CSMD3: variants seen among roughly 807,000 people sequenced by gnomAD.
The protein encoded by CSMD3 is CUB and sushi domain-containing protein 3.
Under a neutral mutation model 435.2 loss-of-function variants are expected in CSMD3, and 177 were observed. The ratio of observed to expected loss-of-function variants is 0.41; its 90% CI spans 0.36 to 0.46. The LOEUF is 0.46. CSMD3 is among the 20% of genes least tolerant of loss of function. The probability of loss-of-function intolerance (pLI) is 0.34; values close to 1 mark genes in which losing one functional copy is unlikely to be tolerated. For synonymous variants in CSMD3, 1,656 were observed against 1,520.5 expected (o/e 1.09, Z -2.07); for missense variants, 4,265 against 4,504.6 (o/e 0.95, Z 1.52).
intron 1 of CSMD3, among the ~76,000 whole-genome samples, chr8:113,328,735 C>CTTT (rs71281211): frequency 0.01 from 576 of 57,168 alleles, 79 homozygotes; most frequent in African/African-American, 0.027. Flanking sequence ...TCCTTCTTTT[C>CTTT]TTTTTTTTTT....
intron 27 of CSMD3, among the ~76,000 whole-genome samples, chr8:112,543,150 A>T (rs1826839466): frequency 6.6e-6 from 1 of 152,192 alleles, no homozygotes; most frequent in African/African-American, 2.4e-5. Flanking sequence ...AAACTTCCAG[A>T]AGGAAATAAA....
chr8:112,939,375 C>T (rs750596333), intron 9 of CSMD3, among the ~76,000 whole-genome samples: 4 of 151,966 alleles, frequency 2.6e-5, no homozygotes, highest in Non-Finnish European at 4.4e-5. Flanking sequence ...ATTTATTAGC[C>T]CCTCTTTGTT....
At chr8:112,226,005 TTAAAA>T (rs1812517013) in intron 70 of CSMD3, among the ~76,000 whole-genome samples, 1 of 152,332 alleles carries the variant, frequency 6.6e-6, no homozygotes, top group South Asian at 2.1e-4. Flanking sequence ...GGGATATATC[TTAAAA>T]TAAATTTGTT....
chr8:113,222,538 A>G (rs2092980355), intron 3 of CSMD3, among the ~76,000 whole-genome samples: 1 of 151,112 alleles, frequency 6.6e-6, no homozygotes, highest in Admixed American at 6.6e-5. Flanking sequence ...GTATGAGTCC[A>G]AAGAATTTTA....
intron 2 of CSMD3, among the ~76,000 whole-genome samples, chr8:113,299,985 C>T (rs931397436): frequency 6.8e-6 from 1 of 145,994 alleles, no homozygotes; most frequent in Non-Finnish European, 1.5e-5. Context: ...GAGCAAGCCT[C>T]CATCTCAAAA....
At chr8:112,845,623 T>A (rs2080296884) in intron 11 of CSMD3, among the ~76,000 whole-genome samples, 1 of 152,056 alleles carries the variant, frequency 6.6e-6, no homozygotes, top group Non-Finnish European at 1.5e-5. Context: ...CAGAACCATT[T>A]AAATATTTTA....
intron 25 of CSMD3, 111 bp downstream of exon 25, chr8:112,556,652 C>A: frequency 1.3e-6 from 1 of 781,312 alleles, no homozygotes; most frequent in Non-Finnish European, 2.1e-6. Flanking sequence ...TCATTAATTT[C>A]TCGATATAAA....
intron 27 of CSMD3, among the ~76,000 whole-genome samples, chr8:112,520,815 T>C (rs1452263796): frequency 6.6e-6 from 1 of 151,970 alleles, no homozygotes; most frequent in Non-Finnish European, 1.5e-5. Context: ...TTTCACTGTT[T>C]CTCCTTCTCA....
chr8:113,096,915 C>T (rs933026918), intron 5 of CSMD3, among the ~76,000 whole-genome samples: 1 of 152,026 alleles, frequency 6.6e-6, no homozygotes, highest in Non-Finnish European at 1.5e-5. Flanking sequence ...CTCTCTTGAC[C>T]TCTCTTACTC....
intron 3 of CSMD3, among the ~76,000 whole-genome samples, chr8:113,267,645 CTTAAG>C (rs936361824): frequency 6.6e-6 from 1 of 151,358 alleles, no homozygotes; most frequent in Non-Finnish European, 1.5e-5. Flanking sequence ...AGGGTACAAA[CTTAAG>C]TTAGATAGAA....
intron 5 of CSMD3, among the ~76,000 whole-genome samples, chr8:113,088,857 T>C (rs1295279846): frequency 6.6e-6 from 1 of 151,870 alleles, no homozygotes. Context: ...ACTTAAAGTA[T>C]AATAATAAAA....
intron 12 of CSMD3, among the ~76,000 whole-genome samples, chr8:112,803,413 C>T (rs1447774311): frequency 4.6e-5 from 7 of 152,168 alleles, no homozygotes; most frequent in Admixed American, 3.9e-4. Context: ...TTGTGTGCCT[C>T]ATGCCCTAAC....
chr8:113,326,303 G>A (rs939729602), intron 1 of CSMD3, among the ~76,000 whole-genome samples: 2 of 151,998 alleles, frequency 1.3e-5, no homozygotes, highest in Non-Finnish European at 2.9e-5. Flanking sequence ...ATGCCATCTT[G>A]TCTTTTTAAA....
At chr8:112,383,392 A>T (rs1303013285) in intron 37 of CSMD3, among the ~76,000 whole-genome samples, 175 bp downstream of exon 37, 1 of 152,216 alleles carries the variant, frequency 6.6e-6, no homozygotes, top group Non-Finnish European at 1.5e-5. Flanking sequence ...ATAAGGTTTT[A>T]AATATCAATA....
chr8:113,397,645 T>C (rs897127208), intron 1 of CSMD3, among the ~76,000 whole-genome samples: 34 of 151,478 alleles, frequency 2.2e-4, no homozygotes, highest in South Asian at 8.4e-4. Flanking sequence ...TGAAACCCCG[T>C]CTCTAGTAAA....
chr8:112,770,724 A>G (rs2078092306), intron 13 of CSMD3, among the ~76,000 whole-genome samples: 1 of 152,068 alleles, frequency 6.6e-6, no homozygotes, highest in East Asian at 1.9e-4. Flanking sequence ...AATATACAAA[A>G]GCATTGCTTA....
At chr8:112,387,990 T>C (rs1054953101) in intron 36 of CSMD3, among the ~76,000 whole-genome samples, 4 of 152,164 alleles carry the variant, frequency 2.6e-5, no homozygotes, top group Non-Finnish European at 4.4e-5. Flanking sequence ...AGTAGTAACA[T>C]TGAAATATGA....
intron 4 of CSMD3, among the ~76,000 whole-genome samples, chr8:113,106,027 C>T (rs1418534772): frequency 6.6e-6 from 1 of 151,704 alleles, no homozygotes; most frequent in Non-Finnish European, 1.5e-5. Context: ...TATTCAACTA[C>T]TTAAAACAAG....
At chr8:113,015,728 T>C (rs1051024800) in intron 6 of CSMD3, among the ~76,000 whole-genome samples, 7 of 151,842 alleles carry the variant, frequency 4.6e-5, no homozygotes, top group Admixed American at 2.0e-4. Context: ...CTTCTATAGG[T>C]AAGATTTTCT....
Sources: gnomAD v4.1 joint callset for allele counts (sites outside exome capture counted in the v4.1 genomes callset) on GRCh38, gnomAD v4.1.1 for gene constraint, MANE v1.5 for transcripts, NCBI Gene and HGNC (gene_info 2026-07-23, HGNC 2026-07-21) for gene names.